SP140: variants seen among roughly 807,000 people sequenced by gnomAD.
SP140 encodes nuclear body protein SP140.
SP140 carries 81 observed loss-of-function variants against 125.0 expected under a neutral mutation model. The ratio of observed to expected loss-of-function variants is 0.65; its 90% CI spans 0.54 to 0.78. SP140 has a LOEUF of 0.78. SP140 is among the 30% of genes least tolerant of loss of function. The probability of loss-of-function intolerance (pLI) is 0.00; values close to 1 mark genes in which losing one functional copy is unlikely to be tolerated. For synonymous variants in SP140, 312 were observed against 354.0 expected (o/e 0.88, Z 1.33); for missense variants, 858 against 1,037.0 (o/e 0.83, Z 2.37).
At chr2:230,246,067 A>T in intron 7 of SP140, 127 bp downstream of exon 7, 2 of 635,970 alleles carry the variant, frequency 3.1e-6, no homozygotes, top group Admixed American at 2.2e-5. Context: ...CCATCCATTC[A>T]TCCATCCATC....
chr2:230,191,304 A>C, the SP140 span, among the ~76,000 whole-genome samples: 7 of 152,294 alleles, frequency 4.6e-5, no homozygotes, highest in Admixed American at 4.6e-4. Flanking sequence ...GAAAAATTGA[A>C]GGAGATAGAG....
At chr2:230,194,169 G>A in the SP140 span, among the ~76,000 whole-genome samples, 8 of 152,134 alleles carry the variant, frequency 5.3e-5, no homozygotes, top group Middle Eastern at 3.2e-3. Flanking sequence ...AAAGCAGTGA[G>A]CCTCATGTCC....
intron 22 of SP140, among the ~76,000 whole-genome samples, chr2:230,302,012 C>G (rs2058323679): frequency 6.6e-6 from 1 of 152,084 alleles, no homozygotes; most frequent in Non-Finnish European, 1.5e-5. Flanking sequence ...GACTTTAAAG[C>G]AACAACAGTT....
At chr2:230,282,215 G>A (rs2055675605) in intron 15 of SP140, among the ~76,000 whole-genome samples, 1 of 152,120 alleles carries the variant, frequency 6.6e-6, no homozygotes, top group African/African-American at 2.4e-5. Flanking sequence ...ATCTCCTCTG[G>A]AAAATTTCTA....
chr2:230,257,312 A>T (rs1453507387), intron 12 of SP140, among the ~76,000 whole-genome samples: 1 of 152,062 alleles, frequency 6.6e-6, no homozygotes, highest in Non-Finnish European at 1.5e-5. Flanking sequence ...ATAGAGCCAG[A>T]AAAGAGAAAC....
intron 22 of SP140, among the ~76,000 whole-genome samples, chr2:230,301,736 G>A (rs930606495): frequency 6.6e-6 from 1 of 151,790 alleles, no homozygotes; most frequent in Non-Finnish European, 1.5e-5. Flanking sequence ...AAAAAAATAA[G>A]GTATTCAGGC....
intron 21 of SP140, among the ~76,000 whole-genome samples, chr2:230,295,935 A>G (rs1464041619): frequency 1.3e-5 from 2 of 152,234 alleles, no homozygotes; most frequent in Non-Finnish European, 2.9e-5. Flanking sequence ...ATTACAGAAG[A>G]TTGACCTCAA....
chr2:230,212,940 G>C, intron 1 of SP140: 2 of 1,614,056 alleles, frequency 1.2e-6, no homozygotes, highest in South Asian at 2.2e-5. Flanking sequence ...CGCCAGTGGG[G>C]TATGGAGGGA....
Position 230,239,448 on chromosome 2 carries a change from TTTTA to T in SP140, c.406+1082_406+1085del, listed in dbSNP as rs1014211714. On this transcript the variant is annotated intron_variant, in intron 3 of 26. Coordinates refer to ENST00000392045, the MANE Select transcript of SP140 (RefSeq NM_007237.5). Reference sequence around the variant, plus strand: ...ATTATTTTTAATTTTTGTATTGTTATTTTATTTATTTATTTATTGAGATGGAGTT... The same window carrying T: ...ATTATTTTTAATTTTTGTATTGTTATTTTATTTATTTATTGAGATGGAGTT... Among the ~76,000 whole-genome samples the T allele has an allele frequency of 1.2e-4, 18 of 152,294 alleles. No homozygotes were observed. The South Asian group carries it at 3.5e-3, about 30-fold the overall frequency.
At chr2:230,201,960 C>G (rs1035997083), upstream of SP140, among the ~76,000 whole-genome samples, 7 of 152,294 alleles carry the variant, frequency 4.6e-5, no homozygotes, top group Admixed American at 2.0e-4. Flanking sequence ...AACTAGATAT[C>G]TGTGTAAGGC....
intron 15 of SP140, among the ~76,000 whole-genome samples, chr2:230,274,622 A>AT (rs548633053): frequency 4.1e-4 from 62 of 152,144 alleles, no homozygotes; most frequent in South Asian, 8.3e-4. Context: ...CAAATCTGTG[A>AT]TTTTTTTGTC....
rs149743929 is a variant in SP140, at chr2:230,296,013, A to C, written c.2017-1408A>C. 2.6e-3 allele frequency among the ~76,000 whole-genome samples: 400 copies of C among 152,056 alleles called. 2 individuals are homozygous for C. Among genetic ancestry groups the C allele is most frequent in the African/African-American group, 8.7e-3 (361 of 41,478 alleles). On this transcript the variant is annotated intron_variant, in intron 21 of 26. Transcript: ENST00000392045. Reference sequence around the variant, plus strand: ...CAGCATTTTGAGAGGCTGAGATGGGAGAATCATTGGAGCCCAGGAATTTGA... The same window carrying C: ...CAGCATTTTGAGAGGCTGAGATGGGCGAATCATTGGAGCCCAGGAATTTGA...
chr2:230,313,772 A>C (rs549539886), downstream of SP140, among the ~76,000 whole-genome samples: 4 of 152,230 alleles, frequency 2.6e-5, 1 homozygote, highest in Non-Finnish European at 2.9e-5. Context: ...GGATAGCCCC[A>C]GAAGTGCTAT....
At chr2:230,199,003 G>T (rs182332056), upstream of SP140, among the ~76,000 whole-genome samples, 1,010 of 152,064 alleles carry the variant, frequency 6.6e-3, 6 homozygotes, top group African/African-American at 0.023. Context: ...CAATAAAGGG[G>T]ATGCCACATG....
chr2:230,285,572 G>A (rs544039007), intron 16 of SP140, among the ~76,000 whole-genome samples, 180 bp from the exon 17 acceptor site: 2 of 152,292 alleles, frequency 1.3e-5, no homozygotes, highest in Admixed American at 1.3e-4. Context: ...AGACTTCAAT[G>A]TGCAATTAAA....
Position 230,289,137 on chromosome 2 carries a change from C to T in SP140, c.1720+1171C>T, listed in dbSNP as rs191201411. On this transcript the variant is annotated intron_variant, in intron 18 of 26. Transcript: ENST00000392045. The stretch of plus-strand genomic sequence containing the variant: ...CATCCTCTTCAGCATCTGTTGTTTC[C>T]TGACTTTTTAATGATTGCCATTCTA... Among the ~76,000 whole-genome samples, 19 of 152,278 alleles carry T rather than the reference C, an allele frequency of 1.2e-4. No individual in the cohort carries two copies. The East Asian group carries it at 3.7e-3, about 29-fold the overall frequency.
chr2:230,287,918 C>G lies in SP140; in HGVS notation c.1672C>G (p.Arg558Gly), dbSNP rs11887179. Residue 558 changes from arginine (R) to glycine (G), a missense_variant, in exon 18 of 27, where the codon CGC (arginine) becomes GGC (glycine). Physicochemically the swap from Arg to Gly is moderately radical, Grantham distance 125. Around this residue, in one of 4 missense-constraint regions of SP140, gnomAD observed 791 missense variants for 869.5 expected, o/e 0.91. Transcript: ENST00000392045. ...GAGAAAGAGAGGCAAACCTGGAACC[C>G]GCTTCACTCAGAGTGACAGAGCTGC... ...RGRKRGKPGT[R>G]FTQSDRAAQK... 1 of 1,611,700 alleles carries G rather than the reference C, an allele frequency of 6.2e-7. No individual in the cohort carries two copies. Among genetic ancestry groups the G allele is most frequent in the African/African-American group, 1.3e-5 (1 of 74,732 alleles).
At chr2:230,258,260 C>T (rs2051582877) in intron 12 of SP140, among the ~76,000 whole-genome samples, 1 of 152,008 alleles carries the variant, frequency 6.6e-6, no homozygotes, top group Non-Finnish European at 1.5e-5. Context: ...AAACAAAATC[C>T]TAGGATTCCC....
rs147720815 is a variant in SP140 at position 230,240,837 on chromosome 2, G to T, written c.407-567G>T. 1.1e-3 allele frequency among the ~76,000 whole-genome samples: 163 copies of T among 152,280 alleles called. 1 individual carries two copies. Among genetic ancestry groups the T allele is most frequent in the African/African-American group, 3.7e-3 (155 of 41,562 alleles). On this transcript the variant is annotated intron_variant, in intron 3 of 26. Transcript: ENST00000392045. ...ATGAGAGAAATGAAAATATGTTCAT[G>T]CAAAGATTTGTTTAAGAATGTTTAT... is the stretch of plus-strand genomic sequence containing the variant.
Sources: gnomAD v4.1 joint callset for allele counts (sites outside exome capture counted in the v4.1 genomes callset) on GRCh38, gnomAD v4.1.1 for gene constraint, gnomAD v4.1.1 regional missense constraint, MANE v1.5 for transcripts, NCBI Gene and HGNC (gene_info 2026-07-23, HGNC 2026-07-21) for gene names.